RIMS1: variants seen among roughly 807,000 people sequenced by gnomAD.
RIMS1 encodes regulating synaptic membrane exocytosis protein 1.
RIMS1 carries 83 observed loss-of-function variants against 214.1 expected under a neutral mutation model. The observed-to-expected ratio is 0.39, with a 90% confidence interval of 0.32 to 0.47. The LOEUF is 0.47. RIMS1 is among the 20% of genes least tolerant of loss of function. The pLI is 0.99. For missense variants in RIMS1, 2,050 were observed against 2,161.8 expected (o/e 0.95, Z 1.03); for synonymous variants, 793 against 786.8 (o/e 1.01, Z -0.13).
chr6:71,887,815 C>T (rs1333774909), intron 1 of RIMS1, among the ~76,000 whole-genome samples: 1 of 152,194 alleles, frequency 6.6e-6, no homozygotes, highest in East Asian at 1.9e-4. Flanking sequence ...TTCTACACAG[C>T]ATACCTGTGT....
chr6:72,046,517 G>T (rs1027528380), intron 2 of RIMS1, among the ~76,000 whole-genome samples: 10 of 152,048 alleles, frequency 6.6e-5, no homozygotes, highest in Non-Finnish European at 1.3e-4. Flanking sequence ...AGAAGGATGG[G>T]AACGGGGAAA....
At chr6:72,041,334 A>G (rs1217032721) in intron 2 of RIMS1, among the ~76,000 whole-genome samples, 1 of 151,870 alleles carries the variant, frequency 6.6e-6, no homozygotes. Flanking sequence ...TCATTTTTAG[A>G]TAATAGAGGT....
chr6:72,047,762 C>G (rs1374903630), intron 2 of RIMS1, among the ~76,000 whole-genome samples: 1 of 152,180 alleles, frequency 6.6e-6, no homozygotes, highest in Non-Finnish European at 1.5e-5. Flanking sequence ...AATTAGGTTA[C>G]TTTTAATATC....
chr6:72,340,228 G>A (rs1190199880), intron 29 of RIMS1, among the ~76,000 whole-genome samples: 1 of 151,992 alleles, frequency 6.6e-6, no homozygotes, highest in Non-Finnish European at 1.5e-5. Flanking sequence ...CTCCCATTCT[G>A]TAGGTTGCCT....
chr6:72,132,121 T>A (rs1025006456), intron 4 of RIMS1, among the ~76,000 whole-genome samples: 1 of 152,152 alleles, frequency 6.6e-6, no homozygotes, highest in African/African-American at 2.4e-5. Flanking sequence ...TATCACAAGG[T>A]CCTGAGGCGA....
chr6:72,366,871 G>A, intron 29 of RIMS1: 1 of 982,074 alleles, frequency 1.0e-6, no homozygotes. Context: ...GACAAGGTAA[G>A]TCTATGTTCC....
chr6:72,292,643 A>C (rs2093573413), intron 26 of RIMS1, among the ~76,000 whole-genome samples: 1 of 152,142 alleles, frequency 6.6e-6, no homozygotes, highest in South Asian at 2.1e-4. Flanking sequence ...TTTAGTAGAA[A>C]CTAAATTTTC....
intron 29 of RIMS1, among the ~76,000 whole-genome samples, chr6:72,389,805 T>A (rs2098673063): frequency 6.6e-6 from 1 of 152,222 alleles, no homozygotes; most frequent in South Asian, 2.1e-4. Context: ...AGAATTTATT[T>A]CCATGCTATG....
At chr6:71,901,326 C>A (rs1773537543) in intron 1 of RIMS1, among the ~76,000 whole-genome samples, 1 of 152,052 alleles carries the variant, frequency 6.6e-6, no homozygotes, top group Admixed American at 6.6e-5. Flanking sequence ...TTCATAGCAA[C>A]CTTATTGTTA....
At chr6:72,047,417 T>C (rs540153879) in intron 2 of RIMS1, among the ~76,000 whole-genome samples, 2 of 152,304 alleles carry the variant, frequency 1.3e-5, no homozygotes, top group Admixed American at 6.5e-5. Flanking sequence ...GAAATGATGA[T>C]CACATTAGAC....
intron 2 of RIMS1, among the ~76,000 whole-genome samples, chr6:72,057,158 T>A (rs745710756): frequency 7.2e-5 from 11 of 152,154 alleles, no homozygotes; most frequent in Non-Finnish European, 1.6e-4. Flanking sequence ...TACCCCAAAC[T>A]TAAAGTAAAA....
At chr6:71,938,327 A>G (rs369993215) in intron 1 of RIMS1, among the ~76,000 whole-genome samples, 310 of 152,148 alleles carry the variant, frequency 2.0e-3, no homozygotes, top group South Asian at 0.01. Flanking sequence ...TCCACTAAAC[A>G]TTGCCCTTGT....
In RIMS1 at chr6:72,290,825, C is replaced by G. The variant is rs760732843; in HGVS notation, c.3701C>G (p.Pro1234Arg). 6.2e-6 allele frequency: 10 copies of G among 1,613,314 alleles called. No individual in the cohort carries two copies. In the South Asian group the frequency reaches 1.1e-4, roughly 18 times the overall value. The stretch of plus-strand genomic sequence containing the variant: ...CTGTGTTCTATGCACCACCTTGTCC[C>G]TGGAGGGTCGGCGCCACCTTCTCCG... ...RTLCSMHHLV[P>R]GGSAPPSPLL... is the part of the protein sequence containing the mutation. Residue 1234 changes from proline to arginine, a missense_variant, in exon 25 of 34, where the codon CCT becomes CGT. Coordinates refer to ENST00000521978, the MANE Select transcript of RIMS1 (RefSeq NM_014989.7).
At chr6:72,174,553 A>T (rs1259536149) in intron 4 of RIMS1, among the ~76,000 whole-genome samples, 2 of 152,166 alleles carry the variant, frequency 1.3e-5, no homozygotes, top group Non-Finnish European at 2.9e-5. Flanking sequence ...AAAAAGTTTG[A>T]TCAACACACT....
intron 2 of RIMS1, among the ~76,000 whole-genome samples, chr6:72,035,488 A>T (rs1446732092): frequency 6.6e-6 from 1 of 152,140 alleles, no homozygotes; most frequent in Non-Finnish European, 1.5e-5. Flanking sequence ...AGCAACAAAG[A>T]CAAATATCCA....
intron 4 of RIMS1, among the ~76,000 whole-genome samples, chr6:72,125,171 A>T (rs1343583227): frequency 6.6e-6 from 1 of 152,166 alleles, no homozygotes; most frequent in African/African-American, 2.4e-5. Context: ...TTTGGTGTAG[A>T]TGACCTTTTT....
intron 2 of RIMS1, among the ~76,000 whole-genome samples, chr6:72,005,121 A>G (rs1806952013): frequency 6.6e-6 from 1 of 152,164 alleles, no homozygotes; most frequent in African/African-American, 2.4e-5. Flanking sequence ...CATTTATTAA[A>G]TAGGGAATCC....
intron 6 of RIMS1, among the ~76,000 whole-genome samples, chr6:72,226,530 G>A (rs1446545977): frequency 6.6e-6 from 1 of 151,862 alleles, no homozygotes; most frequent in Non-Finnish European, 1.5e-5. Context: ...CTATTGTTTA[G>A]ATAATTTTTA....
At chr6:72,053,178 G>T (rs1280211202) in intron 2 of RIMS1, among the ~76,000 whole-genome samples, 1 of 152,140 alleles carries the variant, frequency 6.6e-6, no homozygotes, top group Non-Finnish European at 1.5e-5. Flanking sequence ...CAGTCCCTAT[G>T]TTCCTCACCA....
Sources: allele counts gnomAD v4.1 joint callset (sites outside exome capture counted in the v4.1 genomes callset), GRCh38; gene constraint gnomAD v4.1.1; transcripts MANE v1.5; gene names NCBI Gene and HGNC (gene_info 2026-07-23, HGNC 2026-07-21).